DPP6: variants seen among roughly 807,000 people sequenced by gnomAD.
The protein encoded by DPP6 is A-type potassium channel modulatory protein DPP6.
DPP6 carries 69 observed loss-of-function variants against 122.6 expected under a neutral mutation model. The ratio of observed to expected loss-of-function variants is 0.56; its 90% CI spans 0.46 to 0.69. The LOEUF (loss-of-function observed/expected upper bound fraction) is 0.69. DPP6 is among the 30% of genes least tolerant of loss of function. The pLI is 0.00. For missense variants in DPP6, 928 were observed against 1,116.9 expected, an observed-to-expected ratio of 0.83 and a Z score of 2.41; for synonymous variants, 418 against 433.1, an observed-to-expected ratio of 0.97 and a Z score of 0.43.
At chr7:154,202,293 G>A (rs1207213803) in intron 1 of DPP6, among the ~76,000 whole-genome samples, 2 of 152,142 alleles carry the variant, frequency 1.3e-5, no homozygotes, top group Admixed American at 6.5e-5. Context: ...AGGATGTATT[G>A]AAATAGATCC....
the DPP6 span, among the ~76,000 whole-genome samples, chr7:153,787,779 G>T: frequency 6.6e-6 from 1 of 150,924 alleles, no homozygotes; most frequent in Admixed American, 6.6e-5. Context: ...AAGAAAAAAA[G>T]AAAAGCTGGT....
At chr7:154,777,748 C>G (rs1273307274) in intron 10 of DPP6, among the ~76,000 whole-genome samples, 1 of 152,062 alleles carries the variant, frequency 6.6e-6, no homozygotes, top group East Asian at 2.0e-4. Flanking sequence ...TCTCCTGATT[C>G]CCTGGCAAGC....
chr7:154,609,551 TA>T (rs1833778698), intron 5 of DPP6, among the ~76,000 whole-genome samples: 1 of 152,242 alleles, frequency 6.6e-6, no homozygotes, highest in Non-Finnish European at 1.5e-5. Flanking sequence ...CCAGTGTTTC[TA>T]GATCACTCTG....
At chr7:154,109,953 G>T (rs879461085) in intron 1 of DPP6, among the ~76,000 whole-genome samples, 2 of 142,080 alleles carry the variant, frequency 1.4e-5, no homozygotes, top group Admixed American at 7.2e-5. Context: ...GGTGCAGGGT[G>T]GGGGAGCAAC....
chr7:154,757,578 C>T (rs1048730747), intron 8 of DPP6, among the ~76,000 whole-genome samples: 20 of 152,198 alleles, frequency 1.3e-4, no homozygotes, highest in African/African-American at 4.6e-4. Flanking sequence ...GGATGACAGC[C>T]ATTTTTGCTC....
intron 5 of DPP6, among the ~76,000 whole-genome samples, chr7:154,586,733 C>T (rs901509321): frequency 2.6e-5 from 4 of 152,184 alleles, no homozygotes; most frequent in East Asian, 1.9e-4. Flanking sequence ...TGGCTTTGCT[C>T]GTGCTGTTTC....
the DPP6 span, among the ~76,000 whole-genome samples, chr7:153,748,882 C>A: frequency 6.8e-6 from 1 of 147,426 alleles, no homozygotes; most frequent in Non-Finnish European, 1.5e-5. Flanking sequence ...GCACCTCTGT[C>A]GCCACCCTCC....
chr7:154,311,262 G>A (rs1265082792), intron 1 of DPP6, among the ~76,000 whole-genome samples: 8 of 152,176 alleles, frequency 5.3e-5, no homozygotes, highest in African/African-American at 1.2e-4. Context: ...GGAGGCCGAC[G>A]AGAGAGGATT....
At chr7:154,706,373 G>A (rs543481957) in intron 7 of DPP6, among the ~76,000 whole-genome samples, 2 of 152,256 alleles carry the variant, frequency 1.3e-5, no homozygotes, top group Admixed American at 6.5e-5. Context: ...ATGATTCTCA[G>A]GGCAGACCTC....
intron 16 of DPP6, among the ~76,000 whole-genome samples, chr7:154,829,316 G>A (rs1041443029): frequency 1.3e-5 from 2 of 151,626 alleles, no homozygotes; most frequent in Non-Finnish European, 2.9e-5. Context: ...CTGGGAGGTC[G>A]AGGCTGCAGT....
chr7:153,964,760 T>G lies in DPP6; in HGVS notation c.51+77026T>G, dbSNP rs193042781. 4.0e-5 allele frequency among the ~76,000 whole-genome samples: 6 copies of G among 151,606 alleles called. No homozygotes were observed. The East Asian group carries it at 1.2e-3, about 30-fold the overall frequency. On this transcript the variant is annotated intron_variant, in intron 1 of 25. Transcript: ENST00000404039. Reference sequence around the variant, plus strand: ...ATGAGAGCTGGCTTGGCTCTGATGCTCCACATTCTTCTCCGTGGCTCCTTT... The same window carrying G: ...ATGAGAGCTGGCTTGGCTCTGATGCGCCACATTCTTCTCCGTGGCTCCTTT...
chr7:154,635,278 C>G (rs1052501644), intron 5 of DPP6, among the ~76,000 whole-genome samples: 49 of 152,174 alleles, frequency 3.2e-4, no homozygotes, highest in African/African-American at 1.1e-3. Flanking sequence ...GCCACCCACC[C>G]CCACCACCCA....
intron 1 of DPP6, among the ~76,000 whole-genome samples, chr7:153,987,206 G>A (rs184876117): frequency 6.6e-6 from 1 of 152,304 alleles, no homozygotes; most frequent in East Asian, 1.9e-4. Context: ...AACTCTCAAT[G>A]AGGAGAAGTA....
intron 1 of DPP6, among the ~76,000 whole-genome samples, chr7:153,989,350 AGT>A (rs1229112202): frequency 8.1e-4 from 121 of 150,108 alleles, no homozygotes; most frequent in African/African-American, 2.7e-3. Flanking sequence ...CAAGTGTGTG[AGT>A]GTGGGGGAGT....
intron 1 of DPP6, among the ~76,000 whole-genome samples, chr7:154,253,070 A>T (rs189453062): frequency 1.3e-5 from 2 of 152,266 alleles, no homozygotes; most frequent in Admixed American, 1.3e-4. Flanking sequence ...TGTGCAGAGT[A>T]AACGCATGTA....
At chr7:153,831,757 G>A in the DPP6 span, among the ~76,000 whole-genome samples, 1 of 152,136 alleles carries the variant, frequency 6.6e-6, no homozygotes, top group Admixed American at 6.5e-5. Flanking sequence ...TATAACGCAG[G>A]CAGTGGGCTG....
chr7:154,410,909 G>C (rs1816541965), intron 1 of DPP6, among the ~76,000 whole-genome samples: 1 of 152,108 alleles, frequency 6.6e-6, no homozygotes. Flanking sequence ...AGTACAGTTT[G>C]GTTCCCTGAA....
intron 10 of DPP6, among the ~76,000 whole-genome samples, chr7:154,775,921 TC>T (rs893561828): frequency 1.1e-4 from 16 of 152,106 alleles, no homozygotes; most frequent in Non-Finnish European, 1.5e-4. Context: ...CCTTCCAGGA[TC>T]CCCGGCCTCC....
intron 5 of DPP6, among the ~76,000 whole-genome samples, chr7:154,569,561 A>G (rs899518110): frequency 6.6e-6 from 1 of 151,892 alleles, no homozygotes; most frequent in Non-Finnish European, 1.5e-5. Flanking sequence ...GTGTATCTCA[A>G]AGGCAGCTAG....
Sources: allele counts gnomAD v4.1 joint callset (sites outside exome capture counted in the v4.1 genomes callset), GRCh38; gene constraint gnomAD v4.1.1; transcripts MANE v1.5; gene names NCBI Gene and HGNC (gene_info 2026-07-23, HGNC 2026-07-21).